Variants in DOCK7 observed in about 807,000 individuals in gnomAD.
DOCK7 encodes the protein dedicator of cytokinesis protein 7.
In DOCK7, 138 loss-of-function variants were observed where a neutral mutation model predicts 271.0. That is an observed-to-expected ratio of 0.51 (90% CI 0.44 to 0.59). The LOEUF is 0.59. Among genes scored for constraint, DOCK7 ranks in the 20% least tolerant of loss-of-function variants. DOCK7 has a pLI of 0.00. For synonymous variants in DOCK7, 823 were observed against 876.1 expected (o/e 0.94, Z 1.07); for missense variants, 2,066 against 2,592.4 (o/e 0.80, Z 4.41).
intron 18 of DOCK7, among the ~76,000 whole-genome samples, chr1:62,572,141 T>C (rs1183811388): frequency 6.6e-6 from 1 of 152,176 alleles, no homozygotes; most frequent in African/African-American, 2.4e-5. Context: ...GTTAGACATG[T>C]AAATACTCAA....
At chr1:62,605,510 T>G (rs1650858813) in intron 14 of DOCK7, 1 of 152,516 alleles carries the variant, frequency 6.6e-6, no homozygotes, top group Non-Finnish European at 1.5e-5. Context: ...ATACCTTATT[T>G]GTTAAAATAT....
chr1:62,563,103 C>G (rs1301390649), intron 18 of DOCK7, among the ~76,000 whole-genome samples: 2 of 152,150 alleles, frequency 1.3e-5, no homozygotes, highest in African/African-American at 2.4e-5. Flanking sequence ...AGGTGCCCCC[C>G]TCCCTCACAA....
At position 62,552,846 on chromosome 1, in the gene DOCK7, C is replaced by T. The variant is rs368758793; in HGVS notation, c.2652G>A (p.Val884=). 5.6e-6 allele frequency: 9 copies of T among 1,613,654 alleles called. No individual in the cohort carries two copies. The highest frequency in any genetic ancestry group is 7.6e-6 in the Non-Finnish European group (9 of 1,179,924). ...GATTTAAATTAAGGCTTGCAGGTCT[C>T]ACCGCAGATCTAGCCATTGTGGCAT... ...VHYATMARSA[V]RPASLNLNRS... is the part of the protein sequence containing the mutation. The change falls in exon 22 of 50, where the codon GTG becomes GTA. Residue 884 remains valine, a synonymous_variant. Coordinates refer to ENST00000635253, the MANE Select transcript of DOCK7 (RefSeq NM_001367561.1).
At position 62,513,554 on chromosome 1, in the gene DOCK7, TC is replaced by T; in HGVS notation, c.4171del (p.Asp1391ThrfsTer2). Reference protein sequence around the residue: ...MNSLTFKKSKDMRAKLEEAIL... With the variant: ...MNSLTFKKSKXMRAKLEEAIL... The stretch of plus-strand genomic sequence containing the variant: ...AGCTTCTTCAAGCTTTGCTCTCATG[TC>T]TTTTGATTTCTTAAAGGTCAAGCTA... On this transcript the variant is annotated frameshift_variant, in exon 33 of 50. Transcript: ENST00000635253. LOFTEE classifies it high-confidence loss of function. 6.2e-7 allele frequency: 1 copy of T among 1,614,158 alleles called. No homozygotes were observed. The highest frequency in any genetic ancestry group is 8.5e-7 in the Non-Finnish European group (1 of 1,180,022).
At chr1:62,686,750 C>T (rs766722483) in intron 1 of DOCK7, among the ~76,000 whole-genome samples, 2 of 151,984 alleles carry the variant, frequency 1.3e-5, no homozygotes, top group Non-Finnish European at 2.9e-5. Context: ...ACAACTTGGC[C>T]AAAGTCCCAA....
intron 14 of DOCK7, chr1:62,603,880 T>C: frequency 8.1e-7 from 1 of 1,240,476 alleles, no homozygotes; most frequent in East Asian, 2.4e-5. Flanking sequence ...ACAACTCAAT[T>C]AGTTGCACCA....
intron 16 of DOCK7, among the ~76,000 whole-genome samples, chr1:62,580,852 T>C (rs1647094638): frequency 6.6e-6 from 1 of 152,188 alleles, no homozygotes; most frequent in Non-Finnish European, 1.5e-5. Flanking sequence ...CATTTTTAAA[T>C]GATTGGGGGT....
chr1:62,628,716 C>T (rs1654246117), intron 11 of DOCK7: 1 of 152,026 alleles, frequency 6.6e-6, no homozygotes, highest in Non-Finnish European at 1.5e-5. Flanking sequence ...AAATTTAAAA[C>T]TTCTGTGCTA....
chr1:62,614,641 T>C (rs1652218922), intron 14 of DOCK7, among the ~76,000 whole-genome samples: 1 of 152,020 alleles, frequency 6.6e-6, no homozygotes, highest in Non-Finnish European at 1.5e-5. Flanking sequence ...CAACTTCTAT[T>C]GAGCATTTAA....
At chr1:62,633,015 C>CA (rs956376911) in intron 10 of DOCK7, among the ~76,000 whole-genome samples, 2 of 151,428 alleles carry the variant, frequency 1.3e-5, no homozygotes, top group African/African-American at 2.4e-5. Flanking sequence ...CATCTGATGG[C>CA]AAAAAAAGGC....
At chr1:62,644,832 A>T (rs902174538) in intron 7 of DOCK7, among the ~76,000 whole-genome samples, 1 of 152,176 alleles carries the variant, frequency 6.6e-6, no homozygotes, top group Non-Finnish European at 1.5e-5. Flanking sequence ...GACTTTTCTT[A>T]TCATAGACAA....
chr1:62,513,261 G>T lies in DOCK7; in HGVS notation c.4282+183C>A, dbSNP rs1476178656. Among the ~76,000 whole-genome samples the T allele has an allele frequency of 5.1e-5, 5 of 98,130 alleles. 2 individuals carry two copies. Among genetic ancestry groups the T allele is most frequent in the Non-Finnish European group, 9.3e-5 (4 of 42,958 alleles). 64.4% of individuals were successfully genotyped at this position (98,130 alleles called of 152,430 possible). On this transcript the variant is annotated intron_variant, in intron 33 of 49. Coordinates refer to ENST00000635253, the MANE Select transcript of DOCK7 (RefSeq NM_001367561.1). ...AGACTTTCTAGAGAAAACGGGGGGG[G>T]GGGGGCGGTATGCTGACTCACCTAA...
At chr1:62,541,195 C>G (rs1050253025) in intron 25 of DOCK7, among the ~76,000 whole-genome samples, 19 of 151,472 alleles carry the variant, frequency 1.3e-4, no homozygotes, top group African/African-American at 3.9e-4. Flanking sequence ...GCTGAAATGC[C>G]TGAGTTTTAA....
At chr1:62,636,515 T>G (rs957554263) in intron 8 of DOCK7, 22 bp downstream of exon 8, 2 of 1,554,900 alleles carry the variant, frequency 1.3e-6, no homozygotes, top group Non-Finnish European at 1.8e-6. Context: ...CAAATAACTA[T>G]GGTCAAATTA....
At chr1:62,664,617 G>A (rs899557744) in intron 1 of DOCK7, among the ~76,000 whole-genome samples, 1 of 152,118 alleles carries the variant, frequency 6.6e-6, no homozygotes. Flanking sequence ...TAATAACAAT[G>A]TACATCAATA....
chr1:62,659,001 A>G (rs1454419176), intron 2 of DOCK7, among the ~76,000 whole-genome samples: 1 of 152,126 alleles, frequency 6.6e-6, no homozygotes, highest in Non-Finnish European at 1.5e-5. Context: ...ACATACTCCG[A>G]TAAAATAAAA....
At chr1:62,556,593 C>A (rs959680684) in intron 20 of DOCK7, among the ~76,000 whole-genome samples, 2 of 150,782 alleles carry the variant, frequency 1.3e-5, no homozygotes, top group South Asian at 2.1e-4. Flanking sequence ...CCAGGCTAAG[C>A]AATACCTACT....
Position 62,587,299 on chromosome 1 carries a change from TAAAA to T in DOCK7, c.1683-679_1683-676del. Among the ~76,000 whole-genome samples the T allele has an allele frequency of 3.3e-4, 14 of 41,858 alleles. No homozygotes were observed. In the East Asian group the frequency reaches 7.2e-3, roughly 22 times the overall value. The allele number at this position is 41,858 out of a possible 152,430, so 27.5% of individuals were successfully genotyped here. The stretch of plus-strand genomic sequence containing the variant: ...AATTCAAGAAAAGACACCAAATAGC[TAAAA>T]AAAAAAAAAAAAAAAAAAAAGAATC... On this transcript the variant is annotated intron_variant, in intron 14 of 49. Coordinates refer to ENST00000635253, the MANE Select transcript of DOCK7 (RefSeq NM_001367561.1).
intron 37 of DOCK7, among the ~76,000 whole-genome samples, chr1:62,500,417 CA>C (rs1163677086): frequency 2.6e-5 from 4 of 151,914 alleles, no homozygotes; most frequent in Non-Finnish European, 5.9e-5. Context: ...AAGGAGAAGA[CA>C]AAATGATAGG....
Sources: gnomAD v4.1 joint callset for allele counts (sites outside exome capture counted in the v4.1 genomes callset) on GRCh38, gnomAD v4.1.1 for gene constraint, MANE v1.5 for transcripts, NCBI Gene and HGNC (gene_info 2026-07-23, HGNC 2026-07-21) for gene names.